The following PLCB1 variants were observed in gnomAD, a reference collection of about 807,000 sequenced individuals.
The protein encoded by PLCB1 is 1-phosphatidylinositol 4,5-bisphosphate phosphodiesterase beta-1.
Under a neutral mutation model 161.8 loss-of-function variants are expected in PLCB1, and 46 were observed. The observed-to-expected ratio is 0.28, with a 90% CI of 0.22 to 0.36. The LOEUF (loss-of-function observed/expected upper bound fraction) is 0.36, where lower values mean the gene tolerates loss of function less well. Ranked by LOEUF, PLCB1 falls within the 10% of genes least tolerant of loss-of-function variation. PLCB1 has a pLI of 1.00. For synonymous variants in PLCB1, 517 were observed against 503.7 expected (o/e 1.03, Z -0.35); for missense variants, 1,016 against 1,472.5 (o/e 0.69, Z 5.07).
At chr20:8,220,492 A>C (rs1261807836) in intron 2 of PLCB1, among the ~76,000 whole-genome samples, 1 of 152,160 alleles carries the variant, frequency 6.6e-6, no homozygotes, top group African/African-American at 2.4e-5. Context: ...GTGGACCCAA[A>C]ATCCTATGTG....
intron 9 of PLCB1, among the ~76,000 whole-genome samples, chr20:8,664,538 G>T (rs974612310): frequency 5.9e-5 from 9 of 151,998 alleles, no homozygotes; most frequent in African/African-American, 2.2e-4. Flanking sequence ...CAAGAAATAG[G>T]CTGAGAGTGA....
intron 3 of PLCB1, among the ~76,000 whole-genome samples, chr20:8,585,147 G>T (rs1053357161): frequency 1.3e-5 from 2 of 152,138 alleles, no homozygotes; most frequent in Non-Finnish European, 2.9e-5. Flanking sequence ...CTTACTTTTG[G>T]GGGGCAAAAT....
intron 31 of PLCB1, among the ~76,000 whole-genome samples, chr20:8,792,987 G>A (rs965559750): frequency 6.6e-6 from 1 of 152,210 alleles, no homozygotes; most frequent in African/African-American, 2.4e-5. Flanking sequence ...TCCTGTAACT[G>A]TGGGGCATGG....
chr20:8,193,955 G>T (rs551729764), intron 2 of PLCB1, among the ~76,000 whole-genome samples: 1 of 152,052 alleles, frequency 6.6e-6, no homozygotes, highest in East Asian at 1.9e-4. Context: ...ATGTTCAGAA[G>T]CTCAGCAGAC....
chr20:8,268,838 T>C (rs1210915326), intron 2 of PLCB1, among the ~76,000 whole-genome samples: 6 of 84,728 alleles, frequency 7.1e-5, no homozygotes, highest in Non-Finnish European at 1.8e-4. Flanking sequence ...TCTCTATGTA[T>C]TTTTTTTAAA....
chr20:8,422,306 T>G (rs561715330), intron 3 of PLCB1, among the ~76,000 whole-genome samples: 70 of 152,370 alleles, frequency 4.6e-4, no homozygotes, highest in African/African-American at 1.6e-3. Flanking sequence ...AATTGCAGCT[T>G]GGCTTTCAAA....
chr20:8,465,661 C>T (rs1404693353), intron 3 of PLCB1, among the ~76,000 whole-genome samples: 1 of 152,064 alleles, frequency 6.6e-6, no homozygotes, highest in East Asian at 1.9e-4. Context: ...TGTTTTCATC[C>T]TTTTCCAGCA....
At chr20:8,648,033 C>T in intron 6 of PLCB1, 80 bp downstream of exon 6, 1 of 1,041,016 alleles carries the variant, frequency 9.6e-7, no homozygotes, top group African/African-American at 1.6e-5. Context: ...TGTTTTGTTT[C>T]TCCAGCAGCC....
At chr20:8,243,062 A>G (rs913523771) in intron 2 of PLCB1, among the ~76,000 whole-genome samples, 4 of 151,926 alleles carry the variant, frequency 2.6e-5, no homozygotes, top group African/African-American at 9.7e-5. Context: ...TGGGTTTGTG[A>G]TAGGATTTCA....
intron 27 of PLCB1, among the ~76,000 whole-genome samples, chr20:8,779,460 T>C (rs1983099680): frequency 7.4e-6 from 1 of 135,086 alleles, no homozygotes; most frequent in Admixed American, 8.6e-5. Context: ...CATATCATGA[T>C]ACGAGATGTA....
chr20:8,702,507 C>T (rs940729070), intron 11 of PLCB1, among the ~76,000 whole-genome samples: 1 of 152,156 alleles, frequency 6.6e-6, no homozygotes, highest in African/African-American at 2.4e-5. Flanking sequence ...CATTCATTCC[C>T]TGAGAAAAAC....
chr20:8,450,170 A>G (rs1981008471), intron 3 of PLCB1, among the ~76,000 whole-genome samples: 1 of 152,186 alleles, frequency 6.6e-6, no homozygotes, highest in East Asian at 1.9e-4. Context: ...TACTCCTGGA[A>G]GTGCTCTGCT....
At chr20:8,153,570 C>G (rs1257822002) in intron 2 of PLCB1, among the ~76,000 whole-genome samples, 1 of 152,102 alleles carries the variant, frequency 6.6e-6, no homozygotes, top group African/African-American at 2.4e-5. Flanking sequence ...ATCTGCTCCA[C>G]CGGTTTTGAA....
intron 10 of PLCB1, among the ~76,000 whole-genome samples, chr20:8,694,425 C>T (rs1990543404): frequency 6.6e-6 from 1 of 152,076 alleles, no homozygotes; most frequent in African/African-American, 2.4e-5. Context: ...CTTTTTTATT[C>T]TTCAGTTTTT....
intron 25 of PLCB1, among the ~76,000 whole-genome samples, chr20:8,764,345 A>G (rs956036760): frequency 2.0e-5 from 3 of 152,180 alleles, no homozygotes; most frequent in Non-Finnish European, 4.4e-5. Flanking sequence ...ACCTTTTAGA[A>G]ATGATGTTGT....
intron 10 of PLCB1, among the ~76,000 whole-genome samples, chr20:8,697,344 A>G (rs183949030): frequency 2.6e-5 from 4 of 152,340 alleles, no homozygotes; most frequent in East Asian, 3.9e-4. Flanking sequence ...TGTTTAGTAT[A>G]TATACAGTCC....
At chr20:8,608,936 A>C (rs1314893246) in intron 3 of PLCB1, among the ~76,000 whole-genome samples, 1 of 152,148 alleles carries the variant, frequency 6.6e-6, no homozygotes, top group Non-Finnish European at 1.5e-5. Context: ...TAGCTCCTGA[A>C]ATGTATTGAG....
At chr20:8,270,352 AT>A (rs1263432395) in intron 2 of PLCB1, among the ~76,000 whole-genome samples, 3 of 152,056 alleles carry the variant, frequency 2.0e-5, no homozygotes, top group Non-Finnish European at 4.4e-5. Flanking sequence ...GTTCAAAAAT[AT>A]TTTTTTCAGG....
At chr20:8,197,369 T>A (rs994925107) in intron 2 of PLCB1, among the ~76,000 whole-genome samples, 4 of 152,182 alleles carry the variant, frequency 2.6e-5, no homozygotes, top group Non-Finnish European at 1.5e-5. Flanking sequence ...TGGTGTGAGA[T>A]GGTATCTCAT....
Sources: gnomAD v4.1 joint callset for allele counts (sites outside exome capture counted in the v4.1 genomes callset) on GRCh38, gnomAD v4.1.1 for gene constraint, MANE v1.5 for transcripts, NCBI Gene and HGNC (gene_info 2026-07-23, HGNC 2026-07-21) for gene names.